The following CHID1 variants were observed in gnomAD, a reference collection of about 807,000 sequenced individuals.
The protein encoded by CHID1 is chitinase domain-containing protein 1.
A neutral mutation model predicts 55.4 loss-of-function variants in CHID1; 44 were observed. The ratio of observed to expected loss-of-function variants is 0.79; its 90% CI spans 0.62 to 1.02. The LOEUF is 1.02. Ranked by LOEUF, CHID1 falls within the 50% of genes least tolerant of loss-of-function variation. The pLI, the probability that CHID1 is intolerant of heterozygous loss-of-function variation, is 0.00. For missense variants in CHID1, 491 were observed against 515.3 expected, an observed-to-expected ratio of 0.95 and a Z score of 0.46; for synonymous variants, 216 against 212.9, an observed-to-expected ratio of 1.01 and a Z score of -0.13.
chr11:889,094 A>C (rs1331838158), intron 8 of CHID1, among the ~76,000 whole-genome samples: 4 of 152,172 alleles, frequency 2.6e-5, no homozygotes, highest in African/African-American at 9.7e-5. Flanking sequence ...CTGGGGCCTG[A>C]CCAGGTCCCT....
chr11:873,640 G>A (rs922494166), intron 10 of CHID1, among the ~76,000 whole-genome samples: 5 of 152,056 alleles, frequency 3.3e-5, no homozygotes, highest in African/African-American at 1.2e-4. Context: ...CGGACAGCTC[G>A]GCCTCACAGA....
intron 10 of CHID1, among the ~76,000 whole-genome samples, chr11:874,038 TG>T (rs1849340905): frequency 6.6e-6 from 1 of 151,850 alleles, no homozygotes; most frequent in African/African-American, 2.4e-5. Context: ...TGTGTGTGTG[TG>T]GGGGGCGTCA....
Position 902,982 on chromosome 11 carries a change from C to T in CHID1, c.241G>A (p.Val81Ile), listed in dbSNP as rs149526989. 3.1e-6 allele frequency: 5 copies of T among 1,613,900 alleles called. No homozygotes were observed. The South Asian group carries it at 3.3e-5, about 11-fold the overall frequency. Residue 81 changes from valine (V) to isoleucine (I), a missense_variant, in exon 3 of 13, where the codon GTA (valine) becomes ATA (isoleucine). Transcript: ENST00000323578. ...KARDRHFAGD[V>I]LGYVTPWNSH... ...CTTACTGGAGTGACATAGCCCAGTA[C>T]ATCCCCAGCAAAGTGTCTGTCCCGG...
At chr11:880,384 G>A (rs1227922512) in intron 10 of CHID1, among the ~76,000 whole-genome samples, 1 of 152,230 alleles carries the variant, frequency 6.6e-6, no homozygotes, top group Non-Finnish European at 1.5e-5. Context: ...AGGGCCAGAA[G>A]CCAGAGAACA....
chr11:872,082 A>G (rs1441495077), intron 10 of CHID1, among the ~76,000 whole-genome samples: 2 of 152,106 alleles, frequency 1.3e-5, no homozygotes, highest in Non-Finnish European at 2.9e-5. Context: ...CAGACATCAG[A>G]CCCCGGCAAA....
chr11:883,346 C>A, intron 9 of CHID1, 43 bp from the exon 10 acceptor site: 1 of 1,580,474 alleles, frequency 6.3e-7, no homozygotes, highest in Non-Finnish European at 8.6e-7. Flanking sequence ...CAGGGAGGGC[C>A]CCGCACCTGA....
intron 2 of CHID1, 155 bp downstream of exon 2, chr11:904,551 C>T (rs764621180): frequency 7.3e-5 from 59 of 806,342 alleles, no homozygotes; most frequent in East Asian, 1.3e-4. Context: ...CAGAGCCACA[C>T]AGGCCACCCA....
In CHID1 at chr11:900,969, C is replaced by G; in HGVS notation, c.406G>C (p.Ala136Pro). 1 of 1,602,124 alleles carries G rather than the reference C, an allele frequency of 6.2e-7. No homozygotes were observed. Among genetic ancestry groups the G allele is most frequent in the Non-Finnish European group, 8.5e-7 (1 of 1,174,996 alleles). Reference protein sequence around the residue: ...LHDVDQGWMRAVRKHAKGLHI... With the variant: ...LHDVDQGWMRPVRKHAKGLHI... ...AGGCCCTTGGCATGCTTCCTGACAG[C>G]TCGCATCCACCCTGTGGGACATGGA... Residue 136 changes from alanine (A) to proline (P), a missense_variant, in exon 5 of 13, where the codon GCT (alanine) becomes CCT (proline). By Grantham distance (27) the Ala-to-Pro change is conservative (BLOSUM62 -1). Coordinates refer to ENST00000323578, the MANE Select transcript of CHID1 (RefSeq NM_023947.4).
chr11:883,062 C>T (rs1850115164), intron 10 of CHID1, 86 bp downstream of exon 10: 2 of 1,417,372 alleles, frequency 1.4e-6, no homozygotes, highest in Non-Finnish European at 1.9e-6. Context: ...GGGACCGAGA[C>T]CCTCCCCATC....
At chr11:898,044 G>A (rs1301884198) in intron 7 of CHID1, among the ~76,000 whole-genome samples, 2 of 152,306 alleles carry the variant, frequency 1.3e-5, no homozygotes, top group Admixed American at 1.3e-4. Context: ...TGGGAGGAGC[G>A]GCAGGGCTGC....
chr11:912,596 G>A (rs1180947426), upstream of CHID1, among the ~76,000 whole-genome samples: 1 of 152,174 alleles, frequency 6.6e-6, no homozygotes, highest in Admixed American at 6.5e-5. Context: ...TGTAATCCCA[G>A]CACTTTGGGA....
chr11:892,769 G>A (rs1183373247), intron 8 of CHID1, among the ~76,000 whole-genome samples: 4 of 152,232 alleles, frequency 2.6e-5, no homozygotes, highest in Non-Finnish European at 4.4e-5. Context: ...GAGAAAAGTC[G>A]GTTGACTGTG....
intron 4 of CHID1, among the ~76,000 whole-genome samples, chr11:901,488 C>T (rs191358326): frequency 1.2e-4 from 18 of 152,310 alleles, no homozygotes; most frequent in East Asian, 3.9e-4. Context: ...GGCGCAGCCA[C>T]GTAAACTCGG....
At chr11:897,190 G>A (rs985878067) in intron 7 of CHID1, among the ~76,000 whole-genome samples, 1 of 100,474 alleles carries the variant, frequency 1.0e-5, no homozygotes. Context: ...CCCCAGACAC[G>A]AGCCTGTCTC....
At chr11:904,256 C>T (rs1253447446) in intron 2 of CHID1, among the ~76,000 whole-genome samples, 2 of 152,214 alleles carry the variant, frequency 1.3e-5, no homozygotes, top group Non-Finnish European at 2.9e-5. Flanking sequence ...GGCATGGGGA[C>T]TGCTGGGGCT....
At chr11:902,399 T>C (rs1851886649) in intron 3 of CHID1, 69 bp from the exon 4 acceptor site, 2 of 1,566,582 alleles carry the variant, frequency 1.3e-6, no homozygotes, top group African/African-American at 1.3e-5. Context: ...GGTGCTGTCA[T>C]TCTGGCGCCT....
intron 10 of CHID1, among the ~76,000 whole-genome samples, chr11:881,089 T>C (rs1206425877): frequency 1.3e-5 from 2 of 152,100 alleles, no homozygotes; most frequent in Non-Finnish European, 2.9e-5. Context: ...AATCCCAATC[T>C]GCAAAAGTTT....
At position 893,409 on chromosome 11, in the gene CHID1, C is replaced by T. The variant is rs1278312717; in HGVS notation, c.701+18G>A. ...GAGCCCTCCACAGCCACCCCCACAT[C>T]TCAAGAGCGGCACTTACCCGGGGGT... On this transcript the variant is annotated intron_variant, in intron 8 of 12. Transcript: ENST00000323578. 3.2e-6 allele frequency: 5 copies of T among 1,543,748 alleles called. No homozygotes were observed. The highest frequency in any genetic ancestry group is 2.4e-5 in the East Asian group (1 of 41,002).
At chr11:910,932 G>C, upstream of CHID1, 1 of 694,968 alleles carries the variant, frequency 1.4e-6, no homozygotes, top group South Asian at 6.1e-5. Flanking sequence ...AGGGCTGCCC[G>C]AAAGTCGGGG....
Sources: allele counts gnomAD v4.1 joint callset (sites outside exome capture counted in the v4.1 genomes callset), GRCh38; gene constraint gnomAD v4.1.1; transcripts MANE v1.5; gene names NCBI Gene and HGNC (gene_info 2026-07-23, HGNC 2026-07-21).